Variants in SAMD12 observed in about 807,000 individuals in gnomAD.
The protein encoded by SAMD12 is sterile alpha motif domain-containing protein 12.
A neutral mutation model predicts 15.0 loss-of-function variants in SAMD12; 9 were observed. The observed-to-expected ratio is 0.60, with a 90% confidence interval of 0.36 to 1.05. The LOEUF (loss-of-function observed/expected upper bound fraction) is 1.05. Among genes scored for constraint, SAMD12 ranks in the 50% least tolerant of loss-of-function variants. The pLI, the probability that SAMD12 is intolerant of heterozygous loss-of-function variation, is 0.01. For missense variants in SAMD12, 230 were observed against 234.2 expected, an observed-to-expected ratio of 0.98 and a Z score of 0.12; for synonymous variants, 86 against 90.1, an observed-to-expected ratio of 0.96 and a Z score of 0.25.
At chr8:118,530,530 G>A (rs564389187) in intron 2 of SAMD12, among the ~76,000 whole-genome samples, 4 of 152,078 alleles carry the variant, frequency 2.6e-5, no homozygotes, top group African/African-American at 9.6e-5. Context: ...TTTTAATAGG[G>A]TTATTTGGGT....
intron 3 of SAMD12, among the ~76,000 whole-genome samples, chr8:118,394,505 T>C (rs1820448824): frequency 6.6e-6 from 1 of 152,222 alleles, no homozygotes; most frequent in Admixed American, 6.5e-5. Flanking sequence ...AATAAACTAG[T>C]GAAATAATAT....
the SAMD12 span, among the ~76,000 whole-genome samples, chr8:118,173,554 A>T: frequency 2.0e-5 from 3 of 147,054 alleles, no homozygotes; most frequent in Admixed American, 1.4e-4. Flanking sequence ...TCTAATATTT[A>T]TATATATATA....
At chr8:118,256,900 A>C (rs1812954768) in intron 4 of SAMD12, among the ~76,000 whole-genome samples, 1 of 151,994 alleles carries the variant, frequency 6.6e-6, no homozygotes, top group Admixed American at 6.6e-5. Flanking sequence ...GATAGCAAGA[A>C]TTCAGTCCAG....
chr8:118,333,557 T>C (rs1816903449), intron 4 of SAMD12, among the ~76,000 whole-genome samples: 1 of 151,744 alleles, frequency 6.6e-6, no homozygotes, highest in East Asian at 1.9e-4. Context: ...TTCTTTTGTT[T>C]TTTTTTTTTA....
At chr8:118,182,553 A>G in the SAMD12 span, among the ~76,000 whole-genome samples, 1 of 152,152 alleles carries the variant, frequency 6.6e-6, no homozygotes, top group Non-Finnish European at 1.5e-5. Flanking sequence ...TATATTTTAT[A>G]GTATATTTTC....
intron 4 of SAMD12, among the ~76,000 whole-genome samples, chr8:118,317,627 G>A (rs1022933585): frequency 3.3e-5 from 5 of 152,198 alleles, no homozygotes; most frequent in African/African-American, 9.6e-5. Context: ...GTAGCTGGAA[G>A]GGTGCAACAA....
intron 4 of SAMD12, among the ~76,000 whole-genome samples, chr8:118,238,495 G>A (rs968082593): frequency 2.6e-5 from 4 of 152,202 alleles, no homozygotes; most frequent in South Asian, 2.1e-4. Context: ...AAGTCACAGC[G>A]AGTCCTGGAA....
chr8:118,172,946 C>T, the SAMD12 span, among the ~76,000 whole-genome samples: 3 of 152,190 alleles, frequency 2.0e-5, no homozygotes, highest in Non-Finnish European at 2.9e-5. Flanking sequence ...CTACTCTCTG[C>T]TTCTAGGAAT....
intron 4 of SAMD12, among the ~76,000 whole-genome samples, chr8:118,220,989 G>A (rs938798978): frequency 1.3e-5 from 2 of 151,958 alleles, no homozygotes; most frequent in African/African-American, 4.8e-5. Flanking sequence ...AGATATGAAG[G>A]CCTCTGGAAT....
At chr8:118,428,532 G>A (rs764416762) in intron 3 of SAMD12, among the ~76,000 whole-genome samples, 7 of 152,036 alleles carry the variant, frequency 4.6e-5, no homozygotes, top group Non-Finnish European at 1.0e-4. Context: ...TCTCAAGGTC[G>A]TGAAATTTTC....
intron 1 of SAMD12, among the ~76,000 whole-genome samples, chr8:118,592,702 A>T (rs1827613316): frequency 6.6e-6 from 1 of 152,222 alleles, no homozygotes; most frequent in Non-Finnish European, 1.5e-5. Flanking sequence ...TCAAAAGTCA[A>T]ATATCTAGAT....
At chr8:118,415,688 T>G (rs1821653201) in intron 3 of SAMD12, among the ~76,000 whole-genome samples, 1 of 152,178 alleles carries the variant, frequency 6.6e-6, no homozygotes, top group African/African-American at 2.4e-5. Flanking sequence ...GAGATTTCCT[T>G]GTAGTCTATG....
intron 1 of SAMD12, among the ~76,000 whole-genome samples, chr8:118,609,366 T>C (rs1828053428): frequency 6.6e-6 from 1 of 152,206 alleles, no homozygotes; most frequent in Admixed American, 6.5e-5. Context: ...GAATTTTTAT[T>C]TTACTATCAT....
intron 4 of SAMD12, among the ~76,000 whole-genome samples, chr8:118,253,830 ATTC>A (rs1250251537): frequency 6.6e-6 from 1 of 152,170 alleles, no homozygotes; most frequent in Non-Finnish European, 1.5e-5. Flanking sequence ...AAACCCACTT[ATTC>A]TTAATTCCAA....
chr8:118,521,570 G>A (rs576573122), intron 2 of SAMD12, among the ~76,000 whole-genome samples: 1 of 152,292 alleles, frequency 6.6e-6, no homozygotes, highest in South Asian at 2.1e-4. Context: ...TGTTGATAGT[G>A]TTATACTCGC....
intron 4 of SAMD12, among the ~76,000 whole-genome samples, chr8:118,233,397 A>G (rs1428301495): frequency 6.6e-6 from 1 of 152,168 alleles, no homozygotes; most frequent in African/African-American, 2.4e-5. Flanking sequence ...GGAATTCAAG[A>G]GTAATTGACA....
At chr8:118,240,626 G>A (rs1812542152) in intron 4 of SAMD12, among the ~76,000 whole-genome samples, 1 of 152,106 alleles carries the variant, frequency 6.6e-6, no homozygotes, top group African/African-American at 2.4e-5. Flanking sequence ...TTGGCACCTA[G>A]TACGTAGTCA....
At chr8:118,229,016 T>C (rs543579157) in intron 4 of SAMD12, among the ~76,000 whole-genome samples, 1 of 152,132 alleles carries the variant, frequency 6.6e-6, no homozygotes, top group Non-Finnish European at 1.5e-5. Flanking sequence ...AGACTATTAT[T>C]CTAAGTGAAG....
chr8:118,316,668 A>G (rs1815922624), intron 4 of SAMD12, among the ~76,000 whole-genome samples: 1 of 152,076 alleles, frequency 6.6e-6, no homozygotes, highest in Non-Finnish European at 1.5e-5. Flanking sequence ...AACTGGTACA[A>G]CCACTTGGCG....
Sources: allele counts gnomAD v4.1 joint callset (sites outside exome capture counted in the v4.1 genomes callset), GRCh38; gene constraint gnomAD v4.1.1; transcripts MANE v1.5; gene names NCBI Gene and HGNC (gene_info 2026-07-23, HGNC 2026-07-21).